Variants in TMEM131 observed in about 807,000 individuals in gnomAD.
The protein encoded by TMEM131 is 2610524E03Rik.
A neutral mutation model predicts 211.6 loss-of-function variants in TMEM131; 66 were observed. The observed-to-expected ratio is 0.31, with a 90% CI of 0.26 to 0.38. The LOEUF (loss-of-function observed/expected upper bound fraction) is 0.38. TMEM131 is among the 10% of genes least tolerant of loss of function. The pLI is 1.00. For missense variants in TMEM131, 2,036 were observed against 2,299.3 expected (o/e 0.89, Z 2.34); for synonymous variants, 844 against 841.3 (o/e 1.00, Z -0.06).
chr2:97,908,761 G>T, intron 2 of TMEM131, 63 bp from the exon 3 acceptor site: 3 of 1,341,428 alleles, frequency 2.2e-6, no homozygotes, highest in South Asian at 1.3e-5. Context: ...ACAGACATAT[G>T]GAATATCCAA....
intron 4 of TMEM131, among the ~76,000 whole-genome samples, chr2:97,879,360 C>T (rs1331111663): frequency 6.6e-6 from 1 of 152,176 alleles, no homozygotes; most frequent in Admixed American, 6.5e-5. Context: ...GACTTTCCTG[C>T]AGATATATTA....
intron 2 of TMEM131, among the ~76,000 whole-genome samples, chr2:97,912,716 G>T (rs1676336434): frequency 6.6e-6 from 1 of 152,020 alleles, no homozygotes; most frequent in Non-Finnish European, 1.5e-5. Flanking sequence ...AAATTCTTTG[G>T]TCTTTCGGTA....
At position 97,802,700 on chromosome 2, in the gene TMEM131, G is replaced by C; in HGVS notation, c.2493C>G (p.Ser831Arg). 1 of 1,609,724 alleles carries C rather than the reference G, an allele frequency of 6.2e-7. No homozygotes were observed. Among genetic ancestry groups the C allele is most frequent in the Non-Finnish European group, 8.5e-7 (1 of 1,178,044 alleles). The change falls in exon 23 of 41, where the codon AGC becomes AGG. Residue 831 changes from serine to arginine, a missense_variant. Ser to Arg is a moderately radical substitution (Grantham distance 110). Transcript: ENST00000186436. ...TAELSWPSIL[S>R]SPRHLKFPLT... Reference sequence around the variant, plus strand: ...GTGGAAATTTCAAGTGCCGGGGTGAGCTAAGTATGGAAGGCCAGGAGAGCT... The same window carrying C: ...GTGGAAATTTCAAGTGCCGGGGTGACCTAAGTATGGAAGGCCAGGAGAGCT...
At chr2:97,950,417 A>G (rs1678256012) in intron 1 of TMEM131, among the ~76,000 whole-genome samples, 1 of 152,212 alleles carries the variant, frequency 6.6e-6, no homozygotes, top group Admixed American at 6.5e-5. Context: ...TTTCATGGAC[A>G]TTCCACCTTT....
chr2:97,880,260 A>T (rs1308199157), intron 4 of TMEM131, among the ~76,000 whole-genome samples: 1 of 152,212 alleles, frequency 6.6e-6, no homozygotes, highest in African/African-American at 2.4e-5. Flanking sequence ...TAAGGAAGGT[A>T]AAAAGGCAGG....
intron 4 of TMEM131, among the ~76,000 whole-genome samples, chr2:97,868,865 C>T (rs1573483571): frequency 6.6e-6 from 1 of 152,252 alleles, no homozygotes; most frequent in African/African-American, 2.4e-5. Flanking sequence ...CTTTAAATGA[C>T]AGGCTCATCA....
In TMEM131 at chr2:97,792,518, C is replaced by A. The variant is rs375503219; in HGVS notation, c.4012G>T (p.Ala1338Ser). Residue 1338 changes from alanine (A) to serine (S), a missense_variant, in exon 31 of 41, where the codon GCG (alanine) becomes TCG (serine). Physicochemically the swap from Ala to Ser is moderately conservative, Grantham distance 99. This residue lies in a region of TMEM131 where 1,623 missense variants were observed against 1,805.9 expected (regional missense o/e 0.90). Coordinates refer to ENST00000186436, the MANE Select transcript of TMEM131 (RefSeq NM_015348.2). Reference sequence around the variant, plus strand: ...TCCGAGTCCTCGGAACTGTGCCTCGCGCTGCTGGCACGTTCTGGGTGGGAA... The same window carrying A: ...TCCGAGTCCTCGGAACTGTGCCTCGAGCTGCTGGCACGTTCTGGGTGGGAA... ...HPSHPERASS[A>S]RHSSEDSDIT... The A allele has an allele frequency of 6.8e-6, 11 of 1,613,476 alleles. No homozygotes were observed. The highest frequency in any genetic ancestry group is 9.3e-6 in the Non-Finnish European group (11 of 1,179,692).
chr2:97,802,915 C>T (rs776291215), intron 22 of TMEM131, 125 bp from the exon 23 acceptor site: 6 of 766,146 alleles, frequency 7.8e-6, no homozygotes, highest in Non-Finnish European at 1.2e-5. Flanking sequence ...CACATTTATT[C>T]ATTCTAATAT....
chr2:97,930,280 A>G (rs996335174), intron 1 of TMEM131, among the ~76,000 whole-genome samples: 1 of 151,858 alleles, frequency 6.6e-6, no homozygotes, highest in Non-Finnish European at 1.5e-5. Context: ...TAAGAGTTCC[A>G]ATAGAACGAC....
intron 4 of TMEM131, among the ~76,000 whole-genome samples, chr2:97,868,020 T>C (rs945035237): frequency 5.9e-5 from 9 of 152,368 alleles, no homozygotes; most frequent in African/African-American, 1.9e-4. Context: ...AGGTGGTCCA[T>C]TGAGCTCCTT....
intron 11 of TMEM131, among the ~76,000 whole-genome samples, chr2:97,821,843 A>G (rs1039413515): frequency 2.0e-5 from 3 of 151,762 alleles, no homozygotes; most frequent in Non-Finnish European, 4.4e-5. Context: ...ACAACCCCCA[A>G]CTCTTCAGAG....
chr2:97,932,440 A>C (rs1374856270), intron 1 of TMEM131, among the ~76,000 whole-genome samples: 2 of 152,168 alleles, frequency 1.3e-5, no homozygotes, highest in Non-Finnish European at 2.9e-5. Flanking sequence ...TTTTATCAAG[A>C]CCACTCAATA....
intron 4 of TMEM131, among the ~76,000 whole-genome samples, chr2:97,879,598 G>A (rs10189414): frequency 0.35 from 52,474 of 151,938 alleles, 9,970 homozygotes; most frequent in Middle Eastern, 0.49. Context: ...GGGTCCACAC[G>A]GATTTTCTTC....
intron 1 of TMEM131, among the ~76,000 whole-genome samples, chr2:97,962,354 A>G (rs1296138564): frequency 6.6e-6 from 1 of 152,142 alleles, no homozygotes; most frequent in Non-Finnish European, 1.5e-5. Context: ...ATACAAAAAA[A>G]TTAGCCGGGC....
chr2:97,772,193 C>A, intron 33 of TMEM131, 104 bp downstream of exon 33: 2 of 1,463,582 alleles, frequency 1.4e-6, no homozygotes, highest in South Asian at 2.5e-5. Flanking sequence ...ATCAACTCCC[C>A]TAAAAGCCAA....
At chr2:97,760,323 G>A in intron 38 of TMEM131, 1 of 494,954 alleles carries the variant, frequency 2.0e-6, no homozygotes, top group East Asian at 3.7e-5. Context: ...AGATGGAGGA[G>A]AGTGAGAACA....
chr2:97,921,756 G>A (rs1310965066), intron 2 of TMEM131, among the ~76,000 whole-genome samples: 1 of 152,094 alleles, frequency 6.6e-6, no homozygotes, highest in African/African-American at 2.4e-5. Flanking sequence ...AAGACTTAAC[G>A]GATGTCACAA....
At chr2:97,861,365 A>G (rs1674061668) in intron 4 of TMEM131, among the ~76,000 whole-genome samples, 1 of 151,272 alleles carries the variant, frequency 6.6e-6, no homozygotes, top group Non-Finnish European at 1.5e-5. Flanking sequence ...TCTGAAAGAG[A>G]TCCCTTTCTT....
intron 18 of TMEM131, among the ~76,000 whole-genome samples, chr2:97,810,519 T>C (rs565118723): frequency 1.1e-4 from 17 of 152,290 alleles, no homozygotes; most frequent in South Asian, 4.1e-4. Flanking sequence ...AGGTGGTAAG[T>C]TGTTGAATTT....
Sources: allele counts gnomAD v4.1 joint callset (sites outside exome capture counted in the v4.1 genomes callset), GRCh38; gene constraint gnomAD v4.1.1; regional missense constraint gnomAD v4.1.1; transcripts MANE v1.5; gene names NCBI Gene and HGNC (gene_info 2026-07-23, HGNC 2026-07-21).